SPAG16: variants seen among roughly 807,000 people sequenced by gnomAD.
SPAG16 encodes the protein sperm-associated antigen 16 protein.
In SPAG16, 86 loss-of-function variants were observed where a neutral mutation model predicts 80.4. That is an observed-to-expected ratio of 1.07 (90% CI 0.90 to 1.28). The LOEUF (loss-of-function observed/expected upper bound fraction) is 1.28. Among genes scored for constraint, SPAG16 ranks in the 50% most tolerant of loss-of-function variants. The pLI is 0.00. For synonymous variants in SPAG16, 294 were observed against 265.9 expected (o/e 1.11, Z -1.03); for missense variants, 870 against 765.3 (o/e 1.14, Z -1.61).
At chr2:213,556,241 C>T (rs916436666) in intron 10 of SPAG16, among the ~76,000 whole-genome samples, 1 of 149,284 alleles carries the variant, frequency 6.7e-6, no homozygotes, top group Admixed American at 6.7e-5. Context: ...TAATAATGAT[C>T]CTCAATATAA....
intron 9 of SPAG16, among the ~76,000 whole-genome samples, chr2:213,477,813 A>T (rs964572228): frequency 6.6e-6 from 1 of 152,192 alleles, no homozygotes; most frequent in Non-Finnish European, 1.5e-5. Flanking sequence ...GTGGGAAGGT[A>T]TCATTGGTTT....
chr2:213,800,329 T>A (rs1037941344), intron 10 of SPAG16, among the ~76,000 whole-genome samples: 1 of 61,218 alleles, frequency 1.6e-5, no homozygotes, highest in African/African-American at 5.2e-5. Flanking sequence ...CCTCCCTCCC[T>A]CCCTCTCTCC....
intron 1 of SPAG16, among the ~76,000 whole-genome samples, chr2:213,291,668 C>A (rs2062279807): frequency 6.6e-6 from 1 of 152,146 alleles, no homozygotes; most frequent in Non-Finnish European, 1.5e-5. Flanking sequence ...TAGGTGAGTT[C>A]ATTACCTAGG....
chr2:214,393,392 AAT>A (rs1297739768), intron 15 of SPAG16, among the ~76,000 whole-genome samples: 2 of 152,114 alleles, frequency 1.3e-5, no homozygotes, highest in African/African-American at 4.8e-5. Flanking sequence ...AATTGAGTTT[AAT>A]ATGTTATTTT....
Position 213,284,602 on chromosome 2 carries a change from G to A in SPAG16, c.119G>A (p.Gly40Asp), listed in dbSNP as rs1243051712. The A allele has an allele frequency of 2.5e-6, 4 of 1,609,486 alleles. No individual in the cohort carries two copies. In the South Asian group the frequency reaches 4.4e-5, roughly 18 times the overall value. ...ACGGCGGACGCGGTGGCGGCTGAGGGCGCCTACTACCTGGAACGTATCCTT... is the reference window on the plus strand; with the variant it reads ...ACGGCGGACGCGGTGGCGGCTGAGGACGCCTACTACCTGGAACGTATCCTT... ...RDTADAVAAE[G>D]AYYLEQVTIT... Residue 40 changes from glycine to aspartate, a missense_variant, in exon 1 of 16, where the codon GGC becomes GAC. Physicochemically the swap from Gly to Asp is moderately conservative, Grantham distance 94. Transcript: ENST00000331683.
At chr2:213,971,942 G>A (rs1333579020) in intron 12 of SPAG16, among the ~76,000 whole-genome samples, 1 of 151,274 alleles carries the variant, frequency 6.6e-6, no homozygotes, top group Non-Finnish European at 1.5e-5. Context: ...GTGTGTGTGT[G>A]TGTTTTCAAT....
chr2:213,902,720 C>T (rs1254381892), intron 11 of SPAG16, among the ~76,000 whole-genome samples: 1 of 152,152 alleles, frequency 6.6e-6, no homozygotes. Flanking sequence ...TCAACAGTCC[C>T]CCAAAGTCTT....
intron 15 of SPAG16, among the ~76,000 whole-genome samples, chr2:214,226,083 G>A (rs1057379681): frequency 3.9e-5 from 6 of 152,072 alleles, no homozygotes; most frequent in African/African-American, 1.4e-4. Flanking sequence ...GCAAATTACT[G>A]CATAACATAC....
At chr2:214,188,578 C>T (rs543801606) in intron 15 of SPAG16, among the ~76,000 whole-genome samples, 18 of 152,278 alleles carry the variant, frequency 1.2e-4, no homozygotes, top group Admixed American at 1.0e-3. Flanking sequence ...ACCTAATCCA[C>T]ATAGAGTATT....
chr2:213,414,331 T>C (rs1559108977), intron 9 of SPAG16, among the ~76,000 whole-genome samples: 1 of 152,186 alleles, frequency 6.6e-6, no homozygotes, highest in African/African-American at 2.4e-5. Flanking sequence ...TTTAAGCATG[T>C]TAATCTGAAA....
intron 10 of SPAG16, among the ~76,000 whole-genome samples, chr2:213,713,246 C>T (rs112545998): frequency 0.032 from 4,844 of 152,204 alleles, 117 homozygotes; most frequent in South Asian, 0.073. Context: ...CAAACCATAC[C>T]ACTGCCTTTG....
intron 9 of SPAG16, among the ~76,000 whole-genome samples, chr2:213,388,199 T>C (rs932748910): frequency 6.6e-6 from 1 of 152,212 alleles, no homozygotes; most frequent in African/African-American, 2.4e-5. Flanking sequence ...GCAAAAAGCA[T>C]CCTGTCCTGC....
chr2:214,020,708 A>G (rs2047819787), intron 13 of SPAG16, among the ~76,000 whole-genome samples: 1 of 152,194 alleles, frequency 6.6e-6, no homozygotes, highest in African/African-American at 2.4e-5. Context: ...TTTCAAATTC[A>G]TCCACTAATT....
At chr2:213,760,589 C>G (rs150249924) in intron 10 of SPAG16, among the ~76,000 whole-genome samples, 1 of 151,476 alleles carries the variant, frequency 6.6e-6, no homozygotes, top group Non-Finnish European at 1.5e-5. Flanking sequence ...GCAACAACAG[C>G]GTACACATTC....
At chr2:214,135,743 C>T (rs1022314527) in intron 14 of SPAG16, among the ~76,000 whole-genome samples, 3 of 151,718 alleles carry the variant, frequency 2.0e-5, no homozygotes, top group Non-Finnish European at 4.4e-5. Flanking sequence ...CTCTCTCTCT[C>T]TCTCTCACTC....
chr2:214,189,438 A>C (rs746331021), intron 15 of SPAG16, among the ~76,000 whole-genome samples: 22 of 152,100 alleles, frequency 1.4e-4, no homozygotes, highest in Non-Finnish European at 2.5e-4. Flanking sequence ...TTTCTGCTGC[A>C]AGTAATGTTG....
At chr2:213,847,764 G>C (rs933732255) in intron 10 of SPAG16, among the ~76,000 whole-genome samples, 2 of 152,132 alleles carry the variant, frequency 1.3e-5, no homozygotes, top group Non-Finnish European at 1.5e-5. Flanking sequence ...ATTAAGGAGA[G>C]AGAAACACTA....
intron 10 of SPAG16, among the ~76,000 whole-genome samples, chr2:213,702,397 C>G (rs917105072): frequency 6.6e-6 from 1 of 152,188 alleles, no homozygotes; most frequent in South Asian, 2.1e-4. Context: ...TGGGTCCATG[C>G]AGCATTTATG....
At chr2:213,643,394 ATATATATATATATATAT>A (rs2062694137) in intron 10 of SPAG16, among the ~76,000 whole-genome samples, 2 of 54,178 alleles carry the variant, frequency 3.7e-5, no homozygotes, top group Non-Finnish European at 6.7e-5. Flanking sequence ...ATATATATAT[ATATATATATATATATAT>A]TTTATCTCTT....
Sources: gnomAD v4.1 joint callset for allele counts (sites outside exome capture counted in the v4.1 genomes callset) on GRCh38, gnomAD v4.1.1 for gene constraint, MANE v1.5 for transcripts, NCBI Gene and HGNC (gene_info 2026-07-23, HGNC 2026-07-21) for gene names.